The following ARHGEF4 variants were observed in gnomAD, a reference collection of about 807,000 sequenced individuals.
ARHGEF4 encodes Rho guanine nucleotide exchange factor 4, also known as APC-stimulated guanine nucleotide exchange factor 1.
A neutral mutation model predicts 162.0 loss-of-function variants in ARHGEF4; 119 were observed. The ratio of observed to expected loss-of-function variants is 0.73; its 90% CI spans 0.63 to 0.86. ARHGEF4 has a LOEUF of 0.86. Ranked by LOEUF, ARHGEF4 falls within the 40% of genes least tolerant of loss-of-function variation. The pLI is 0.00. For missense variants in ARHGEF4, 2,488 were observed against 2,456.0 expected, an observed-to-expected ratio of 1.01 and a Z score of -0.28; for synonymous variants, 1,014 against 979.9, an observed-to-expected ratio of 1.03 and a Z score of -0.65.
chr2:130,954,300 A>C (rs1210055846), intron 4 of ARHGEF4, among the ~76,000 whole-genome samples: 2 of 152,234 alleles, frequency 1.3e-5, no homozygotes, highest in African/African-American at 4.8e-5. Context: ...AACTATCACA[A>C]GAACAGAAAA....
chr2:130,916,751 A>G lies in ARHGEF4; in HGVS notation c.2805A>G (p.Pro935=), dbSNP rs1258397176. 18 of 1,550,516 alleles carry G rather than the reference A, an allele frequency of 1.2e-5. No homozygotes were observed. The highest frequency in any genetic ancestry group is 1.7e-4 in the Middle Eastern group (1 of 6,018). ...LEKENTHERS[P]SSPKGEKEKS... The stretch of plus-strand genomic sequence containing the variant: ...AAGAGAACACCCATGAACGTTCCCC[A>G]AGTTCTCCCAAGGGCGAGAAGGAGA... Residue 935 remains proline, a synonymous_variant, in exon 2 of 14, where the codon CCA becomes CCG. Transcript: ENST00000409359.
At chr2:131,000,557 A>G (rs1286560168) in intron 4 of ARHGEF4, among the ~76,000 whole-genome samples, 4 of 152,238 alleles carry the variant, frequency 2.6e-5, no homozygotes, top group Admixed American at 1.3e-4. Context: ...CATCTGAGCC[A>G]AGAGATTTAG....
intron 1 of ARHGEF4, among the ~76,000 whole-genome samples, chr2:130,844,604 T>C (rs1308142670): frequency 1.3e-5 from 2 of 152,064 alleles, no homozygotes; most frequent in Admixed American, 1.3e-4. Context: ...CTGCCCCTCT[T>C]CCCAGGGTCC....
intron 2 of ARHGEF4, among the ~76,000 whole-genome samples, chr2:130,928,912 T>C (rs1485012464): frequency 6.6e-6 from 1 of 152,134 alleles, no homozygotes; most frequent in Non-Finnish European, 1.5e-5. Flanking sequence ...CTCTCTCTAT[T>C]CTATCTGTCT....
At chr2:130,893,498 C>G (rs1679978583) in intron 1 of ARHGEF4, among the ~76,000 whole-genome samples, 1 of 152,184 alleles carries the variant, frequency 6.6e-6, no homozygotes, top group African/African-American at 2.4e-5. Flanking sequence ...TTTTCCAGTC[C>G]TTGATCCTGT....
chr2:130,864,048 T>C (rs1270128124), intron 1 of ARHGEF4, among the ~76,000 whole-genome samples: 1 of 149,958 alleles, frequency 6.7e-6, no homozygotes, highest in African/African-American at 2.5e-5. Context: ...TAGCTGGGCA[T>C]GGTGGCGGGC....
chr2:130,916,792 AG>A lies in ARHGEF4; in HGVS notation c.2849del (p.Gly950ValfsTer7). The A allele has an allele frequency of 6.4e-7, 1 of 1,550,524 alleles. No individual in the cohort carries two copies. Among genetic ancestry groups the A allele is most frequent in the Non-Finnish European group, 8.7e-7 (1 of 1,147,008 alleles). On this transcript the variant is annotated frameshift_variant, in exon 2 of 14. Coordinates refer to ENST00000409359, the MANE Select transcript of ARHGEF4 (RefSeq NM_001367493.1). LOFTEE classifies it high-confidence loss of function. Reference protein sequence around the residue: ...KGEKEKSRLRQGSWRAFLKSK... With the variant: ...KGEKEKSRLRXGSWRAFLKSK... ...GAGAAGGAGAAGAGCAGGCTGCGCC[AG>A]GGTTCCTGGCGGGCGTTTCTGAAAA...
intron 4 of ARHGEF4, among the ~76,000 whole-genome samples, chr2:130,998,740 T>C (rs988458522): frequency 4.6e-5 from 7 of 152,264 alleles, no homozygotes; most frequent in African/African-American, 1.7e-4. Context: ...CTTGGTTGCT[T>C]TCAAGTTTGT....
chr2:130,997,563 T>G (rs1573565599), intron 4 of ARHGEF4, among the ~76,000 whole-genome samples: 2 of 152,298 alleles, frequency 1.3e-5, no homozygotes, highest in Admixed American at 1.3e-4. Flanking sequence ...CTTAACTTTC[T>G]CCATTACATA....
chr2:131,027,914 C>T (rs1689584857), intron 4 of ARHGEF4, 31 bp from the exon 5 acceptor site: 2 of 1,612,400 alleles, frequency 1.2e-6, no homozygotes, highest in Admixed American at 1.7e-5. Context: ...CAGCCCAGCC[C>T]CCTTTGCCCA....
intron 1 of ARHGEF4, among the ~76,000 whole-genome samples, chr2:130,889,807 G>A (rs889370935): frequency 1.1e-4 from 11 of 97,388 alleles, no homozygotes; most frequent in South Asian, 7.6e-4. Flanking sequence ...GTGAGACTCC[G>A]TCTCAAAAAA....
chr2:130,908,984 G>A (rs1038828713), intron 1 of ARHGEF4, among the ~76,000 whole-genome samples: 2 of 152,150 alleles, frequency 1.3e-5, no homozygotes, highest in East Asian at 1.9e-4. Context: ...AGGAGATACC[G>A]CTTCACAGAC....
chr2:130,917,927 A>G (rs749618481), intron 2 of ARHGEF4, among the ~76,000 whole-genome samples: 60 of 150,772 alleles, frequency 4.0e-4, no homozygotes, highest in Non-Finnish European at 6.9e-4. Context: ...GATTCAGGCA[A>G]TTCTCTGCCT....
At chr2:130,989,109 G>A (rs1024454046) in intron 4 of ARHGEF4, among the ~76,000 whole-genome samples, 7 of 151,962 alleles carry the variant, frequency 4.6e-5, no homozygotes, top group African/African-American at 1.7e-4. Context: ...CTACAGGCAT[G>A]CACCACCATG....
In ARHGEF4 at chr2:130,841,898, T is replaced by C. The variant is rs185285582; in HGVS notation, c.39+4906T>C. On this transcript the variant is annotated intron_variant, in intron 1 of 13. Transcript: ENST00000409359. ...AACCAACAGCTCACCTGCCGGCTCT[T>C]GGACTCCAGCATGGGGGGCGCACCT... Among the ~76,000 whole-genome samples, 570 of 152,346 alleles carry C rather than the reference T, an allele frequency of 3.7e-3. 2 individuals are homozygous for C. The highest frequency in any genetic ancestry group is 0.013 in the African/African-American group (527 of 41,578).
Position 130,921,460 on chromosome 2 carries a change from G to A in ARHGEF4, c.3552+3962G>A, listed in dbSNP as rs138726183. ...TATTTCTGTGGGTTGCATTTTAGGG[G>A]TGTCCTTGGGGGATGCATATCTTTA... is the stretch of plus-strand genomic sequence containing the variant. On this transcript the variant is annotated intron_variant, in intron 2 of 13. Coordinates refer to ENST00000409359, the MANE Select transcript of ARHGEF4 (RefSeq NM_001367493.1). 2.2e-3 allele frequency among the ~76,000 whole-genome samples: 331 copies of A among 152,170 alleles called. 2 individuals carry two copies. The highest frequency in any genetic ancestry group is 7.6e-3 in the African/African-American group (314 of 41,494).
intron 13 of ARHGEF4, 154 bp from the exon 14 acceptor site, chr2:131,045,884 G>C: frequency 6.7e-7 from 1 of 1,488,560 alleles, no homozygotes. Context: ...TCTTGGATGT[G>C]GTCAGCTCTC....
intron 4 of ARHGEF4, among the ~76,000 whole-genome samples, chr2:130,953,216 C>T (rs1207919337): frequency 1.3e-5 from 2 of 152,084 alleles, no homozygotes; most frequent in African/African-American, 4.8e-5. Context: ...GAGATATAGA[C>T]CAATGGAACA....
chr2:130,838,531 G>A (rs1311807884), intron 1 of ARHGEF4, among the ~76,000 whole-genome samples: 5 of 152,062 alleles, frequency 3.3e-5, no homozygotes, highest in Non-Finnish European at 7.4e-5. Flanking sequence ...GCTTGAACCC[G>A]GGAGACAGAG....
Sources: allele counts gnomAD v4.1 joint callset (sites outside exome capture counted in the v4.1 genomes callset), GRCh38; gene constraint gnomAD v4.1.1; transcripts MANE v1.5; gene names NCBI Gene and HGNC (gene_info 2026-07-23, HGNC 2026-07-21).